The following LDB2 variants were observed in gnomAD, a reference collection of about 807,000 sequenced individuals.
The protein encoded by LDB2 is LIM domain-binding protein 2.
In LDB2, 12 loss-of-function variants were observed where a neutral mutation model predicts 44.3. That is an observed-to-expected ratio of 0.27 (90% CI 0.17 to 0.44). The LOEUF (loss-of-function observed/expected upper bound fraction) is 0.44. Ranked by LOEUF, LDB2 falls within the 20% of genes least tolerant of loss-of-function variation. The pLI, the probability that LDB2 is intolerant of heterozygous loss-of-function variation, is 1.00. For missense variants in LDB2, 344 were observed against 473.5 expected, an observed-to-expected ratio of 0.73 and a Z score of 2.54; for synonymous variants, 164 against 174.8, an observed-to-expected ratio of 0.94 and a Z score of 0.49.
chr4:16,676,091 G>A (rs1202465092), intron 2 of LDB2, among the ~76,000 whole-genome samples: 2 of 152,206 alleles, frequency 1.3e-5, no homozygotes, highest in African/African-American at 2.4e-5. Context: ...ACTGGCTAAT[G>A]TCATGTCTGA....
At chr4:16,875,538 T>C (rs576478515) in intron 1 of LDB2, among the ~76,000 whole-genome samples, 185 of 152,242 alleles carry the variant, frequency 1.2e-3, no homozygotes, top group African/African-American at 4.3e-3. Context: ...CATTTTAGAG[T>C]GAATCATCTG....
At chr4:16,569,121 C>T (rs1745527497) in intron 5 of LDB2, among the ~76,000 whole-genome samples, 1 of 152,114 alleles carries the variant, frequency 6.6e-6, no homozygotes, top group African/African-American at 2.4e-5. Context: ...GGTAGGTGGC[C>T]ACATATTTTT....
intron 2 of LDB2, among the ~76,000 whole-genome samples, chr4:16,649,057 A>C (rs1057089301): frequency 6.6e-6 from 1 of 152,232 alleles, no homozygotes. Flanking sequence ...AAAGAAAAAT[A>C]TTAATTCTAT....
At chr4:16,511,809 T>A (rs1170200040) in intron 6 of LDB2, 172 bp downstream of exon 6, 10 of 668,122 alleles carry the variant, frequency 1.5e-5, no homozygotes, top group Non-Finnish European at 2.2e-5. Flanking sequence ...CTTAAGGATG[T>A]TTGCCTGTCA....
chr4:16,675,014 C>T lies in LDB2; in HGVS notation c.236-79139G>A, dbSNP rs529559805. Among the ~76,000 whole-genome samples the T allele has an allele frequency of 3.3e-5, 5 of 152,240 alleles. No individual in the cohort carries two copies. In the East Asian group the frequency reaches 9.6e-4, roughly 29 times the overall value. On this transcript the variant is annotated intron_variant, in intron 2 of 7. Transcript: ENST00000304523. ...GAACACTGGGATATTCAAATTTTTA[C>T]CTCATGTATGCAAATCTAAATATTT... is the stretch of plus-strand genomic sequence containing the variant.
chr4:16,758,223 G>C (rs951533415), intron 2 of LDB2, among the ~76,000 whole-genome samples: 2 of 152,144 alleles, frequency 1.3e-5, no homozygotes, highest in Non-Finnish European at 2.9e-5. Flanking sequence ...CTTTGAAATA[G>C]ATTAGCAACA....
intron 2 of LDB2, among the ~76,000 whole-genome samples, chr4:16,701,278 T>C (rs1753378131): frequency 6.6e-6 from 1 of 152,166 alleles, no homozygotes. Flanking sequence ...GAGTAGACAA[T>C]CATGTTCTTA....
At chr4:16,532,516 AT>A (rs1243694742) in intron 5 of LDB2, among the ~76,000 whole-genome samples, 4 of 152,302 alleles carry the variant, frequency 2.6e-5, no homozygotes, top group Admixed American at 2.6e-4. Flanking sequence ...TCAGGCATTT[AT>A]TTCCTATTCT....
At chr4:16,825,075 C>T (rs1170022422) in intron 1 of LDB2, among the ~76,000 whole-genome samples, 1 of 152,128 alleles carries the variant, frequency 6.6e-6, no homozygotes, top group Non-Finnish European at 1.5e-5. Flanking sequence ...AGGGAGGCAG[C>T]CTTCCTGGAG....
chr4:16,561,152 T>A (rs1018750146), intron 5 of LDB2, among the ~76,000 whole-genome samples: 4 of 152,040 alleles, frequency 2.6e-5, no homozygotes, highest in Non-Finnish European at 4.4e-5. Flanking sequence ...CTTTGAAAAC[T>A]GGCACAAGAC....
intron 7 of LDB2, chr4:16,505,727 G>A: frequency 2.0e-6 from 2 of 997,804 alleles, no homozygotes; most frequent in Non-Finnish European, 2.9e-6. Context: ...AGGTCCATAT[G>A]CCCTCAGCTC....
chr4:16,699,751 GA>G (rs1479199712), intron 2 of LDB2, among the ~76,000 whole-genome samples: 1 of 152,158 alleles, frequency 6.6e-6, no homozygotes, highest in Non-Finnish European at 1.5e-5. Context: ...ATAGCTCAAA[GA>G]AAAACTTCAG....
At chr4:16,683,788 C>T (rs1335761612) in intron 2 of LDB2, among the ~76,000 whole-genome samples, 1 of 152,186 alleles carries the variant, frequency 6.6e-6, no homozygotes, top group Non-Finnish European at 1.5e-5. Context: ...TCTTGTTCAT[C>T]TACTTTCTGA....
intron 2 of LDB2, among the ~76,000 whole-genome samples, chr4:16,757,446 G>A (rs766977819): frequency 6.6e-6 from 1 of 152,182 alleles, no homozygotes; most frequent in African/African-American, 2.4e-5. Flanking sequence ...GGCGATGATC[G>A]TGATTCACTC....
At chr4:16,872,905 G>C (rs1018558921) in intron 1 of LDB2, among the ~76,000 whole-genome samples, 4 of 152,160 alleles carry the variant, frequency 2.6e-5, no homozygotes, top group Admixed American at 1.3e-4. Flanking sequence ...TATATTCAAA[G>C]CAAGGCTGTC....
chr4:16,742,565 C>T (rs1048898235), intron 2 of LDB2, among the ~76,000 whole-genome samples: 14 of 152,122 alleles, frequency 9.2e-5, no homozygotes, highest in African/African-American at 3.4e-4. Flanking sequence ...AGAAGAAAGA[C>T]TTTTTCAAGG....
intron 2 of LDB2, among the ~76,000 whole-genome samples, chr4:16,688,583 A>C (rs1284779154): frequency 6.6e-6 from 1 of 152,242 alleles, no homozygotes; most frequent in African/African-American, 2.4e-5. Flanking sequence ...TGATAATAAT[A>C]AATTATAATA....
chr4:16,673,601 C>T (rs1476138818), intron 2 of LDB2, among the ~76,000 whole-genome samples: 1 of 152,178 alleles, frequency 6.6e-6, no homozygotes, highest in Non-Finnish European at 1.5e-5. Context: ...GTTAGGAGAG[C>T]ACCCTTCTCC....
chr4:16,873,914 T>C (rs1214229475), intron 1 of LDB2, among the ~76,000 whole-genome samples: 3 of 152,172 alleles, frequency 2.0e-5, no homozygotes, highest in Admixed American at 6.5e-5. Flanking sequence ...CTACAATATG[T>C]GGTGTTTTGT....
Sources: allele counts gnomAD v4.1 joint callset (sites outside exome capture counted in the v4.1 genomes callset), GRCh38; gene constraint gnomAD v4.1.1; transcripts MANE v1.5; gene names NCBI Gene and HGNC (gene_info 2026-07-23, HGNC 2026-07-21).